The following SLC4A11 variants were observed in gnomAD, a reference collection of about 807,000 sequenced individuals.
The protein encoded by SLC4A11 is solute carrier family 4 member 11.
A neutral mutation model predicts 95.0 loss-of-function variants in SLC4A11; 74 were observed. That is an observed-to-expected ratio of 0.78 (90% confidence interval 0.65 to 0.95). The LOEUF (loss-of-function observed/expected upper bound fraction) is 0.95. Ranked by LOEUF, SLC4A11 falls within the 40% of genes least tolerant of loss-of-function variation. SLC4A11 has a pLI of 0.00. For synonymous variants in SLC4A11, 548 were observed against 519.0 expected (o/e 1.06, Z -0.76); for missense variants, 1,081 against 1,192.4 (o/e 0.91, Z 1.38).
At chr20:3,238,423 A>C in intron 1 of SLC4A11, 1 of 1,041,426 alleles carries the variant, frequency 9.6e-7, no homozygotes, top group Non-Finnish European at 1.2e-6. Context: ...CTGCATCCTG[A>C]AGTGGGGGGC....
In SLC4A11 at chr20:3,233,635, C is replaced by G. The variant is rs746477170; in HGVS notation, c.608G>C (p.Cys203Ser). ...CCGCTTCTGTAGGGCCTTCATGGTA[C>G]AGCTGGCAGGGGCGGGGAGGACACA... ...RYQQSWLCIICTMKALQKRHV... is the reference protein window; with the variant it reads ...RYQQSWLCIISTMKALQKRHV... The change falls in exon 7 of 20, where the codon TGT becomes TCT. Residue 203 changes from cysteine (C) to serine (S), a missense_variant and splice_region_variant. Transcript: ENST00000642402. 2.5e-5 allele frequency: 40 copies of G among 1,612,450 alleles called. No individual in the cohort carries two copies. Among genetic ancestry groups the G allele is most frequent in the Non-Finnish European group, 3.1e-5 (36 of 1,180,008 alleles).
chr20:3,230,850 G>C lies in SLC4A11; in HGVS notation c.1169-5C>G, dbSNP rs2067739844. On this transcript the variant is annotated splice_region_variant and splice_polypyrimidine_tract_variant and intron_variant, in intron 10 of 19. Coordinates refer to ENST00000642402, the MANE Select transcript of SLC4A11 (RefSeq NM_001174089.2). The stretch of plus-strand genomic sequence containing the variant: ...CGGCTATGGTCTTCTGCACGTCTGT[G>C]GGGGTGCGGAGGTCAGGTGGGCGCC... 5 of 1,613,110 alleles carry C rather than the reference G, an allele frequency of 3.1e-6. No homozygotes were observed. The Admixed American group carries it at 6.7e-5, about 22-fold the overall frequency.
intron 7 of SLC4A11, among the ~76,000 whole-genome samples, chr20:3,232,871 C>CT (rs1555778746): frequency 1.3e-5 from 2 of 152,342 alleles, no homozygotes; most frequent in East Asian, 3.9e-4. Context: ...TGTGGGCACC[C>CT]TGCTGGGGGC....
In SLC4A11 at chr20:3,231,517, C is replaced by T. The variant is rs2067777836; in HGVS notation, c.761G>A (p.Arg254His). Residue 254 changes from arginine (R) to histidine (H), a missense_variant, in exon 8 of 20, where the codon CGC (arginine) becomes CAC (histidine). Around this residue, in one of 3 missense-constraint regions of SLC4A11, gnomAD observed 767 missense variants for 858.0 expected, o/e 0.89. Transcript: ENST00000642402. This position sits in a 1 kb window ranked among gnomAD's most constrained non-coding sequence, Gnocchi z 5.2. ...KSTKTAMEVA[R>H]TFATMFSDIA... ...ATCCGAGAACATGGTGGCAAACGTGCGCGCCACCTCCATCGCAGTCTTAGT... is the reference window on the plus strand; with the variant it reads ...ATCCGAGAACATGGTGGCAAACGTGTGCGCCACCTCCATCGCAGTCTTAGT... The T allele has an allele frequency of 1.2e-6, 2 of 1,613,944 alleles. No individual in the cohort carries two copies. Among genetic ancestry groups the T allele is most frequent in the Non-Finnish European group, 1.7e-6 (2 of 1,180,022 alleles).
Position 3,230,722 on chromosome 20 carries a change from C to T in SLC4A11, c.1282+10G>A, listed in dbSNP as rs749206278. 2 of 1,613,032 alleles carry T rather than the reference C, an allele frequency of 1.2e-6. No homozygotes were observed. The highest frequency in any genetic ancestry group is 1.7e-6 in the Non-Finnish European group (2 of 1,180,008). On this transcript the variant is annotated intron_variant, in intron 11 of 19. Coordinates refer to ENST00000642402, the MANE Select transcript of SLC4A11 (RefSeq NM_001174089.2). ...TCAGGCACCATCTCCCGCCTCAGCC[C>T]CCACTGCACCCTGGATGTAGAGCGC...
chr20:3,230,887 C>T, intron 10 of SLC4A11, 42 bp from the exon 11 acceptor site: 1 of 1,613,012 alleles, frequency 6.2e-7, no homozygotes, highest in Non-Finnish European at 8.5e-7. Context: ...CAGCCCAGGG[C>T]CCAGCCCAGC....
rs2067610563 is a variant in SLC4A11, at chr20:3,228,306, G to A, written c.2511C>T (p.Tyr837=). The A allele has an allele frequency of 1.2e-6, 2 of 1,613,052 alleles. No homozygotes were observed. The highest frequency in any genetic ancestry group is 1.7e-6 in the Non-Finnish European group (2 of 1,179,974). ...LCAFGMSSLP[Y]MKMIFPLIMI... is the part of the protein sequence containing the mutation. ...TGATGAGGGGAAAGATCATCTTCAT[G>A]TAGGGCAGGGAGCTCATGCCGAAGG... The change falls in exon 19 of 20, where the codon TAC becomes TAT. Residue 837 remains tyrosine (Y), a synonymous_variant. Coordinates refer to ENST00000642402, the MANE Select transcript of SLC4A11 (RefSeq NM_001174089.2).
In SLC4A11 at chr20:3,231,214, A is replaced by G. The variant is rs764374612; in HGVS notation, c.977T>C (p.Phe326Ser). The G allele has an allele frequency of 6.2e-7, 1 of 1,614,062 alleles. No homozygotes were observed. The highest frequency in any genetic ancestry group is 1.1e-5 in the South Asian group (1 of 91,078). Residue 326 changes from phenylalanine (F) to serine (S), a missense_variant, in exon 9 of 20, where the codon TTT becomes TCT. Physicochemically the swap from Phe to Ser is radical, Grantham distance 155 (BLOSUM62 -2). Coordinates refer to ENST00000642402, the MANE Select transcript of SLC4A11 (RefSeq NM_001174089.2). This position sits in a 1 kb window ranked among gnomAD's most constrained non-coding sequence, Gnocchi z 5.2. ...EPPKCKDFVP[F>S]GKGIREDIAR... The stretch of plus-strand genomic sequence containing the variant: ...GATGTCCTCCCGGATGCCCTTCCCA[A>G]AAGGGACAAAGTCCTTGCACTTTGG...
chr20:3,235,825 C>A (rs564489103), intron 2 of SLC4A11, among the ~76,000 whole-genome samples: 17 of 152,202 alleles, frequency 1.1e-4, no homozygotes, highest in Admixed American at 7.2e-4. Context: ...TCAGGCCATC[C>A]GGTCAGCACC....
rs546282306 is a variant in SLC4A11, at chr20:3,231,242, G to A, written c.949C>T (p.Pro317Ser). 4.0e-5 allele frequency: 65 copies of A among 1,613,918 alleles called. No individual in the cohort carries two copies. The highest frequency in any genetic ancestry group is 5.2e-5 in the Non-Finnish European group (61 of 1,180,014). ...GGGACAAAGTCCTTGCACTTTGGGG[G>A]CTGGAGGAGAGGACAGAGCGCCTGT... ...VSLPAHRHPE[P>S]PKCKDFVPFG... Residue 317 changes from proline (P) to serine (S), a missense_variant and splice_region_variant, in exon 9 of 20, where the codon CCC (proline) becomes TCC (serine). Physicochemically the swap from Pro to Ser is moderately conservative, Grantham distance 74. Around this residue, in one of 3 missense-constraint regions of SLC4A11, gnomAD observed 767 missense variants for 858.0 expected, o/e 0.89. Transcript: ENST00000642402. This position sits in a 1 kb window ranked among gnomAD's most constrained non-coding sequence, Gnocchi z 5.2.
At position 3,239,052 on chromosome 20, in the gene SLC4A11, C is replaced by T. The variant is rs748756315; in HGVS notation, c.43+43G>A. ...CCCCGACGGGAGACGGTGGCGGAGACCCGGGCGGCCTTCCCGCCGCGCCCC... is the reference window on the plus strand; with the variant it reads ...CCCCGACGGGAGACGGTGGCGGAGATCCGGGCGGCCTTCCCGCCGCGCCCC... On this transcript the variant is annotated intron_variant, in intron 1 of 19. Transcript: ENST00000642402. The T allele has an allele frequency of 1.0e-5, 15 of 1,469,418 alleles. No homozygotes were observed. In the South Asian group the frequency reaches 1.9e-4, roughly 19 times the overall value. The allele number at this position is 1,469,418 out of a possible 1,614,324, so 91.0% of individuals were successfully genotyped here. A position where few individuals can be genotyped will look rare whatever the true frequency, so the allele number is the denominator to read the frequency against.
At chr20:3,232,786 G>A (rs1450438865) in intron 7 of SLC4A11, among the ~76,000 whole-genome samples, 3 of 152,196 alleles carry the variant, frequency 2.0e-5, no homozygotes, top group Non-Finnish European at 4.4e-5. Flanking sequence ...TCCTGAGGAG[G>A]AGCCCAGTGT....
At position 3,229,022 on chromosome 20, in the gene SLC4A11, C is replaced by T. The variant is rs374030135; in HGVS notation, c.2019-11G>A. On this transcript the variant is annotated splice_polypyrimidine_tract_variant and intron_variant, in intron 16 of 19. Transcript: ENST00000642402. ...GTGCCCTTCACCAGCCTGCAGCAGA[C>T]GGGCACTCGTGGACAGAGCCCCACA... 118 of 1,612,044 alleles carry T rather than the reference C, an allele frequency of 7.3e-5. 1 individual carries two copies. The highest frequency in any genetic ancestry group is 5.6e-4 in the South Asian group (51 of 90,874).
At chr20:3,239,478 G>C (rs960666399), upstream of SLC4A11, 20 of 1,016,478 alleles carry the variant, frequency 2.0e-5, no homozygotes, top group Non-Finnish European at 2.4e-5. Context: ...CGAGTTTAGG[G>C]GCTGGACGGG....
rs1003654909 is a variant in SLC4A11 at position 3,227,505 on chromosome 20, C to T, written c.*282G>A. The T allele has an allele frequency of 1.2e-5, 6 of 497,024 alleles. No homozygotes were observed. The highest frequency in any genetic ancestry group is 7.0e-5 in the East Asian group (2 of 28,410). The allele number at this position is 497,024 out of a possible 1,614,324, so 30.8% of individuals were successfully genotyped here. The stretch of plus-strand genomic sequence containing the variant: ...AGGAAATGGTTTCTCTTTCAGGCAT[C>T]GACTCTTTTATCAAAAGAAAATCCA... On this transcript the variant is annotated 3_prime_UTR_variant, in exon 20 of 20. Coordinates refer to ENST00000642402, the MANE Select transcript of SLC4A11 (RefSeq NM_001174089.2).
chr20:3,228,446 CG>C lies in SLC4A11; in HGVS notation c.2389-19del. 6.2e-7 allele frequency: 1 copy of C among 1,613,014 alleles called. No homozygotes were observed. The highest frequency in any genetic ancestry group is 1.7e-5 in the Admixed American group (1 of 60,016). ...TACGCAGTCTGTGGGCGGCAGGGAC[CG>C]GGTGTGGGCAGGCATGGGGCTGTGT... On this transcript the variant is annotated intron_variant, in intron 18 of 19. Transcript: ENST00000642402.
chr20:3,227,941 C>G, intron 19 of SLC4A11, 85 bp from the exon 20 acceptor site: 2 of 1,313,272 alleles, frequency 1.5e-6, no homozygotes, highest in Non-Finnish European at 2.1e-6. Flanking sequence ...AGCCCACCCA[C>G]AGGGCCAGGC....
Position 3,231,287 on chromosome 20 carries a change from C to T in SLC4A11, c.948+43G>A, listed in dbSNP as rs761130383. ...GCCTGTTAGCCCTGTCCGGCCCATG[C>T]CCCCGCCGACCCTGCCGGCCCCCGC... is the stretch of plus-strand genomic sequence containing the variant. On this transcript the variant is annotated intron_variant, in intron 8 of 19. Transcript: ENST00000642402. The surrounding 1 kb of genome is among the most constrained non-coding windows in gnomAD (Gnocchi z 5.2). 2 of 1,613,288 alleles carry T rather than the reference C, an allele frequency of 1.2e-6. No individual in the cohort carries two copies. The highest frequency in any genetic ancestry group is 3.3e-5 in the Admixed American group (2 of 60,006).
At position 3,229,260 on chromosome 20, in the gene SLC4A11, C is replaced by G; in HGVS notation, c.1853G>C (p.Ser618Thr). 1 of 1,613,040 alleles carries G rather than the reference C, an allele frequency of 6.2e-7. No homozygotes were observed. Among genetic ancestry groups the G allele is most frequent in the Non-Finnish European group, 8.5e-7 (1 of 1,179,988 alleles). ...SSHGFREIEMSKFRYNPSESP... is the reference protein window; with the variant it reads ...SSHGFREIEMTKFRYNPSESP... The stretch of plus-strand genomic sequence containing the variant: ...CTCGCTGGGGTTGTAGCGGAACTTG[C>G]TCACTGCAGTAGGGGACAGGCTACT... Residue 618 changes from serine to threonine, a missense_variant, in exon 16 of 20, where the codon AGC (serine) becomes ACC (threonine). Physicochemically the swap from Ser to Thr is moderately conservative, Grantham distance 58. Transcript: ENST00000642402.
Sources: gnomAD v4.1 joint callset for allele counts (sites outside exome capture counted in the v4.1 genomes callset) on GRCh38, gnomAD v4.1.1 for gene constraint, gnomAD v4.1.1 regional missense constraint, Gnocchi (gnomAD v3.1) non-coding constraint, MANE v1.5 for transcripts, NCBI Gene and HGNC (gene_info 2026-07-23, HGNC 2026-07-21) for gene names.